MDGA1: variants seen among roughly 807,000 people sequenced by gnomAD.
MDGA1 encodes the protein MAM domain-containing glycosylphosphatidylinositol anchor protein 1.
MDGA1 carries 54 observed loss-of-function variants against 101.5 expected under a neutral mutation model. The observed-to-expected ratio is 0.53, with a 90% confidence interval of 0.43 to 0.67. The LOEUF is 0.67. Ranked by LOEUF, MDGA1 falls within the 30% of genes least tolerant of loss-of-function variation. MDGA1 has a pLI of 0.00. For synonymous variants in MDGA1, 533 were observed against 558.3 expected, an observed-to-expected ratio of 0.95 and a Z score of 0.64; for missense variants, 1,083 against 1,323.8, an observed-to-expected ratio of 0.82 and a Z score of 2.82.
In MDGA1 at chr6:37,697,098, C is replaced by A; in HGVS notation, c.-287G>T. 1 of 302,134 alleles carries A rather than the reference C, an allele frequency of 3.3e-6. No homozygotes were observed. The highest frequency in any genetic ancestry group is 6.0e-6 in the Non-Finnish European group (1 of 165,982). The allele number at this position is 302,134 out of a possible 1,614,324, so 18.7% of individuals were successfully genotyped here. Reference sequence around the variant, plus strand: ...AGCGCCCCGACCCGAGGAGCCCGGCCGCCGAGCCGCCCCGGGTACCCAGGG... The same window carrying A: ...AGCGCCCCGACCCGAGGAGCCCGGCAGCCGAGCCGCCCCGGGTACCCAGGG... On this transcript the variant is annotated 5_prime_UTR_variant, in exon 1 of 17. Coordinates refer to ENST00000434837, the MANE Select transcript of MDGA1 (RefSeq NM_153487.4).
intron 2 of MDGA1, among the ~76,000 whole-genome samples, chr6:37,663,721 A>G (rs1187765278): frequency 6.6e-6 from 1 of 152,184 alleles, no homozygotes; most frequent in African/African-American, 2.4e-5. Flanking sequence ...AATGGAGTGG[A>G]ATTGAACAAC....
In MDGA1 at chr6:37,633,521, T is replaced by C. The variant is rs1763863432; in HGVS notation, c.*3847A>G. On this transcript the variant is annotated 3_prime_UTR_variant, in exon 17 of 17. Coordinates refer to ENST00000434837, the MANE Select transcript of MDGA1 (RefSeq NM_153487.4). ...CCTTCACTCCTAGCCCAAGCTCTTG[T>C]GAAGTCACAGGGGAGAGGAGGGGAA... 1 of 152,240 alleles carries C rather than the reference T, an allele frequency of 6.6e-6. No homozygotes were observed. Among genetic ancestry groups the C allele is most frequent in the Admixed American group, 6.5e-5 (1 of 15,280 alleles). The allele number at this position is 152,240 out of a possible 1,614,324, so 9.4% of individuals were successfully genotyped here. A position where few individuals can be genotyped will look rare whatever the true frequency, so the allele number is the denominator to read the frequency against.
rs1219422611 is a variant in MDGA1 at position 37,635,458 on chromosome 6, A to G, written c.*1910T>C. The stretch of plus-strand genomic sequence containing the variant: ...AAGTGTATGCTGAGAACCTGGAGCG[A>G]CTCATTTCAGACAGAGGCCTTGACT... On this transcript the variant is annotated 3_prime_UTR_variant, in exon 17 of 17. Transcript: ENST00000434837. The G allele has an allele frequency of 7.5e-6, 3 of 398,464 alleles. No homozygotes were observed. In the East Asian group the frequency reaches 1.1e-4, roughly 14 times the overall value. The allele number at this position is 398,464 out of a possible 1,614,324, so 24.7% of individuals were successfully genotyped here. A position where few individuals can be genotyped will look rare whatever the true frequency, so the allele number is the denominator to read the frequency against.
chr6:37,658,460 C>T, intron 2 of MDGA1, 41 bp from the exon 3 acceptor site: 1 of 1,566,268 alleles, frequency 6.4e-7, no homozygotes, highest in Non-Finnish European at 8.7e-7. Flanking sequence ...GTCAGACTCA[C>T]ACGGGGTGGG....
chr6:37,664,364 G>A (rs1295867641), intron 1 of MDGA1: 1 of 478,480 alleles, frequency 2.1e-6, no homozygotes, highest in Non-Finnish European at 3.8e-6. Context: ...GGCTGATTGT[G>A]TGAAGGGGCT....
At chr6:37,672,340 C>T (rs930420514) in intron 1 of MDGA1, among the ~76,000 whole-genome samples, 1 of 151,506 alleles carries the variant, frequency 6.6e-6, no homozygotes, top group African/African-American at 2.4e-5. Flanking sequence ...GTAATCCTAG[C>T]TAAGAGGGAG....
chr6:37,675,093 T>A (rs1761949980), intron 1 of MDGA1, among the ~76,000 whole-genome samples: 1 of 152,076 alleles, frequency 6.6e-6, no homozygotes, highest in African/African-American at 2.4e-5. Context: ...AAACTGTTAA[T>A]GATGAGGGGA....
intron 1 of MDGA1, among the ~76,000 whole-genome samples, chr6:37,682,421 T>C (rs1039462237): frequency 6.6e-6 from 1 of 152,126 alleles, no homozygotes; most frequent in Non-Finnish European, 1.5e-5. Flanking sequence ...GAGGTAGAGA[T>C]TGCAGTGAGC....
At chr6:37,683,200 G>C (rs1199815813) in intron 1 of MDGA1, among the ~76,000 whole-genome samples, 4 of 152,328 alleles carry the variant, frequency 2.6e-5, no homozygotes, top group Admixed American at 2.0e-4. Context: ...CCTTCAGGGA[G>C]AGCCTGAATT....
intron 12 of MDGA1, 115 bp downstream of exon 12, chr6:37,645,818 G>T: frequency 1.6e-6 from 2 of 1,250,094 alleles, no homozygotes; most frequent in East Asian, 2.4e-5. Context: ...GAAACACAGG[G>T]GGAATTCATT....
intron 1 of MDGA1, among the ~76,000 whole-genome samples, chr6:37,692,998 C>A (rs557341257): frequency 1.3e-5 from 2 of 152,348 alleles, no homozygotes; most frequent in East Asian, 3.9e-4. Context: ...GGGGACCCCT[C>A]ACACTGGCTA....
chr6:37,656,526 C>A (rs927484986), intron 3 of MDGA1, among the ~76,000 whole-genome samples: 2 of 152,108 alleles, frequency 1.3e-5, no homozygotes, highest in Admixed American at 1.3e-4. Flanking sequence ...GCATGCACCA[C>A]CACACCTGGC....
At position 37,646,392 on chromosome 6, in the gene MDGA1, G is replaced by A; in HGVS notation, c.2047-17C>T. 1 of 1,452,216 alleles carries A rather than the reference G, an allele frequency of 6.9e-7. No homozygotes were observed. Among genetic ancestry groups the A allele is most frequent in the African/African-American group, 1.4e-5 (1 of 70,896 alleles). 90.0% of individuals were successfully genotyped at this position (1,452,216 alleles called of 1,614,324 possible). On this transcript the variant is annotated splice_polypyrimidine_tract_variant and intron_variant, in intron 10 of 16. Transcript: ENST00000434837. ...CTGGTTCAACTGTTAAGTACAGAGAGTTCCCAGATGCCTAGGAAGTCAGGC... is the reference window on the plus strand; with the variant it reads ...CTGGTTCAACTGTTAAGTACAGAGAATTCCCAGATGCCTAGGAAGTCAGGC...
chr6:37,645,960 A>T lies in MDGA1; in HGVS notation c.2225-4T>A. 6.2e-7 allele frequency: 1 copy of T among 1,614,024 alleles called. No homozygotes were observed. Among genetic ancestry groups the T allele is most frequent in the Non-Finnish European group, 8.5e-7 (1 of 1,179,894 alleles). On this transcript the variant is annotated splice_region_variant and splice_polypyrimidine_tract_variant and intron_variant, in intron 11 of 16. Transcript: ENST00000434837. Reference sequence around the variant, plus strand: ...GAAAGGTTCGGAGAGTTGATGGCTGAGAAAGCAAGCGGGGAAACCAAGTCA... The same window carrying T: ...GAAAGGTTCGGAGAGTTGATGGCTGTGAAAGCAAGCGGGGAAACCAAGTCA...
rs199539950 is a variant in MDGA1 at position 37,664,136 on chromosome 6, A to G, written c.68-30T>C. 6.4e-5 allele frequency: 104 copies of G among 1,613,254 alleles called. No individual in the cohort carries two copies. The African/African-American group carries it at 9.1e-4, about 14-fold the overall frequency. Reference sequence around the variant, plus strand: ...CAGGAGAGGATGGAGGAGGAGGTTTAGAGAAGAGGTGCCAAGGCCAGAAGA... The same window carrying G: ...CAGGAGAGGATGGAGGAGGAGGTTTGGAGAAGAGGTGCCAAGGCCAGAAGA... On this transcript the variant is annotated intron_variant, in intron 1 of 16. Coordinates refer to ENST00000434837, the MANE Select transcript of MDGA1 (RefSeq NM_153487.4).
In MDGA1 at chr6:37,650,338, C is replaced by T. The variant is rs1339321300; in HGVS notation, c.1380G>A (p.Glu460=). 9 of 1,581,906 alleles carry T rather than the reference C, an allele frequency of 5.7e-6. No individual in the cohort carries two copies. The highest frequency in any genetic ancestry group is 7.7e-6 in the Non-Finnish European group (9 of 1,166,286). The change falls in exon 8 of 17, where the codon GAG becomes GAA. Residue 460 remains glutamate (E), a synonymous_variant. Transcript: ENST00000434837. The part of the protein sequence containing the change: ...VVTVREGSPA[E]LQCEVRGKPR... ...GCTTGCCCCGCACCTCGCATTGCAG[C>T]TCGGCAGGCGATCCCTCGCGCACGG...
chr6:37,682,211 G>A (rs1239380706), intron 1 of MDGA1, among the ~76,000 whole-genome samples: 7 of 152,208 alleles, frequency 4.6e-5, no homozygotes, highest in South Asian at 2.1e-4. Context: ...TAGGCTGGGC[G>A]CAGTGGCTTA....
chr6:37,646,523 T>C, intron 10 of MDGA1, 148 bp from the exon 11 acceptor site: 1 of 588,894 alleles, frequency 1.7e-6, no homozygotes, highest in Non-Finnish European at 2.7e-6. Flanking sequence ...GAAACATTAA[T>C]AAGTGTGGGG....
intron 9 of MDGA1, among the ~76,000 whole-genome samples, chr6:37,647,707 A>C (rs1338856148): frequency 6.6e-6 from 1 of 151,714 alleles, no homozygotes; most frequent in Non-Finnish European, 1.5e-5. Context: ...GGAGGAAAGA[A>C]AGAGAAGGGA....
Sources: allele counts gnomAD v4.1 joint callset (sites outside exome capture counted in the v4.1 genomes callset), GRCh38; gene constraint gnomAD v4.1.1; transcripts MANE v1.5; gene names NCBI Gene and HGNC (gene_info 2026-07-23, HGNC 2026-07-21).